SLC30A3: variants seen among roughly 807,000 people sequenced by gnomAD.
SLC30A3 encodes the protein probable proton-coupled zinc antiporter SLC30A3.
In SLC30A3, 20 loss-of-function variants were observed where a neutral mutation model predicts 35.6. The ratio of observed to expected loss-of-function variants is 0.56; its 90% CI spans 0.39 to 0.82. The LOEUF is 0.82. Ranked by LOEUF, SLC30A3 falls within the 40% of genes least tolerant of loss-of-function variation. The pLI is 0.00. For missense variants in SLC30A3, 401 were observed against 530.6 expected, an observed-to-expected ratio of 0.76 and a Z score of 2.40; for synonymous variants, 217 against 224.7, an observed-to-expected ratio of 0.97 and a Z score of 0.31.
chr2:27,255,361 T>A lies in SLC30A3; in HGVS notation c.1118A>T (p.Gln373Leu). The change falls in exon 8 of 8, where the codon CAG (glutamine) becomes CTG (leucine). Residue 373 changes from glutamine (Q) to leucine (L), a missense_variant. Coordinates refer to ENST00000233535, the MANE Select transcript of SLC30A3 (RefSeq NM_003459.5). The surrounding 1 kb of genome is among the most constrained non-coding windows in gnomAD (Gnocchi z 5.2). ...SSCTLQVEQY[Q>L]PEMAQCLRCQ... ...GCGCAGGCACTGGGCCATCTCCGGC[T>A]GATACTGCTCGACCTGCAGGGTGCA... is the stretch of plus-strand genomic sequence containing the variant. 1.2e-6 allele frequency: 2 copies of A among 1,614,192 alleles called. No homozygotes were observed. The highest frequency in any genetic ancestry group is 1.7e-6 in the Non-Finnish European group (2 of 1,180,016).
At position 27,258,353 on chromosome 2, in the gene SLC30A3, A is replaced by AT; in HGVS notation, c.278-47dup. 1 of 1,498,448 alleles carries AT rather than the reference A, an allele frequency of 6.7e-7. No individual in the cohort carries two copies. The allele number at this position is 1,498,448 out of a possible 1,614,324, so 92.8% of individuals were successfully genotyped here. ...AGTCTGCTTCCATTTAGAAAATATC[A>AT]TGTAGTGTGTATAGGCATGGAAAAT... On this transcript the variant is annotated intron_variant, in intron 2 of 7. Coordinates refer to ENST00000233535, the MANE Select transcript of SLC30A3 (RefSeq NM_003459.5). This position sits in a 1 kb window ranked among gnomAD's most constrained non-coding sequence, Gnocchi z 4.0.
chr2:27,258,068 G>A lies in SLC30A3; in HGVS notation c.425-10C>T, dbSNP rs371602919. Reference sequence around the variant, plus strand: ...AAAGCCCCCAGAGTCTCTGCGGGTGGGGGGGGAGACAAGCTGTCAGAGACC... The same window carrying A: ...AAAGCCCCCAGAGTCTCTGCGGGTGAGGGGGGAGACAAGCTGTCAGAGACC... On this transcript the variant is annotated splice_polypyrimidine_tract_variant and intron_variant, in intron 3 of 7. Coordinates refer to ENST00000233535, the MANE Select transcript of SLC30A3 (RefSeq NM_003459.5). This position sits in a 1 kb window ranked among gnomAD's most constrained non-coding sequence, Gnocchi z 4.0. 1.7e-5 allele frequency: 27 copies of A among 1,613,328 alleles called. 1 individual carries two copies. The African/African-American group carries it at 2.4e-4, about 14-fold the overall frequency.
Position 27,257,226 on chromosome 2 carries a change from T to G in SLC30A3, c.705A>C (p.Ala235=). 2 of 1,613,962 alleles carry G rather than the reference T, an allele frequency of 1.2e-6. No individual in the cohort carries two copies. Among genetic ancestry groups the G allele is most frequent in the Non-Finnish European group, 1.7e-6 (2 of 1,179,958 alleles). ...GGAGGTCCCCCAGCACGTGCACAAATGCCGCCCGGACGCTGGTGTTCCCCA... is the reference window on the plus strand; with the variant it reads ...GGAGGTCCCCCAGCACGTGCACAAAGGCCGCCCGGACGCTGGTGTTCCCCA... The part of the protein sequence containing the change: ...LPLGNTSVRA[A]FVHVLGDLLQ... The change falls in exon 5 of 8, where the codon GCA becomes GCC. Residue 235 remains alanine (A), a synonymous_variant. Coordinates refer to ENST00000233535, the MANE Select transcript of SLC30A3 (RefSeq NM_003459.5). The surrounding 1 kb of genome is among the most constrained non-coding windows in gnomAD (Gnocchi z 4.7).
chr2:27,256,680 G>T, intron 6 of SLC30A3, 108 bp downstream of exon 6: 1 of 1,284,672 alleles, frequency 7.8e-7, no homozygotes, highest in Non-Finnish European at 1.1e-6. Flanking sequence ...CAGACCCCAT[G>T]AGCCAAGCCT....
In SLC30A3 at chr2:27,255,007, A is replaced by G; in HGVS notation, c.*305T>C. 8.4e-7 allele frequency: 1 copy of G among 1,195,772 alleles called. No individual in the cohort carries two copies. Among genetic ancestry groups the G allele is most frequent in the Non-Finnish European group, 1.1e-6 (1 of 913,284 alleles). 74.1% of individuals were successfully genotyped at this position (1,195,772 alleles called of 1,614,324 possible). ...GCAGGGAAAGGATGTTCGTGGCTCC[A>G]CATGAACCATGGGGAGATGGCACCA... On this transcript the variant is annotated 3_prime_UTR_variant, in exon 8 of 8. Coordinates refer to ENST00000233535, the MANE Select transcript of SLC30A3 (RefSeq NM_003459.5). This position sits in a 1 kb window ranked among gnomAD's most constrained non-coding sequence, Gnocchi z 5.2.
upstream of SLC30A3, among the ~76,000 whole-genome samples, chr2:27,267,780 C>T (rs1410137846): frequency 1.3e-5 from 2 of 151,786 alleles, no homozygotes; most frequent in African/African-American, 4.8e-5. Context: ...ACTAAAAATA[C>T]AAAAATAAGC....
chr2:27,273,796 C>T (rs1170583078), intron 1 of SLC30A3, among the ~76,000 whole-genome samples: 2 of 151,060 alleles, frequency 1.3e-5, no homozygotes, highest in Non-Finnish European at 2.9e-5. Flanking sequence ...ACAAGTGCAC[C>T]TCTAATGCCT....
In SLC30A3 at chr2:27,262,981, A is replaced by G; in HGVS notation, c.-75T>C. 4.9e-6 allele frequency: 7 copies of G among 1,431,442 alleles called. No homozygotes were observed. Among genetic ancestry groups the G allele is most frequent in the Non-Finnish European group, 6.4e-6 (7 of 1,100,852 alleles). 88.7% of individuals were successfully genotyped at this position (1,431,442 alleles called of 1,614,324 possible). A position where few individuals can be genotyped will look rare whatever the true frequency, so the allele number is the denominator to read the frequency against. ...GGCCGGCCCCGCGCCAAGTCCGAGC[A>G]GCCCGCCGACCCCCGGGATCCCCGC... On this transcript the variant is annotated 5_prime_UTR_variant, in exon 1 of 8. Coordinates refer to ENST00000233535, the MANE Select transcript of SLC30A3 (RefSeq NM_003459.5). This position sits in a 1 kb window ranked among gnomAD's most constrained non-coding sequence, Gnocchi z 7.5.
chr2:27,269,802 G>A (rs545669588), intron 1 of SLC30A3, among the ~76,000 whole-genome samples: 101 of 152,058 alleles, frequency 6.6e-4, no homozygotes, highest in Non-Finnish European at 1.0e-3. Context: ...AGGTTGCAGT[G>A]AGCCGAGACC....
chr2:27,265,573 GC>G (rs1427143858), upstream of SLC30A3, among the ~76,000 whole-genome samples: 1 of 152,144 alleles, frequency 6.6e-6, no homozygotes, highest in Non-Finnish European at 1.5e-5. The surrounding 1 kb of genome is among the most constrained non-coding windows in gnomAD (Gnocchi z 5.9). Context: ...TGCAAGCCAA[GC>G]TGAAGAGCAT....
upstream of SLC30A3, among the ~76,000 whole-genome samples, chr2:27,265,418 C>T (rs1677458800): frequency 2.0e-5 from 3 of 152,220 alleles, no homozygotes; most frequent in South Asian, 6.2e-4. This position sits in a 1 kb window ranked among gnomAD's most constrained non-coding sequence, Gnocchi z 5.9. Flanking sequence ...ATCAAATGGC[C>T]CTGTGAACAT....
intron 1 of SLC30A3, among the ~76,000 whole-genome samples, chr2:27,273,063 T>C (rs1677798732): frequency 6.7e-6 from 1 of 148,498 alleles, no homozygotes; most frequent in South Asian, 2.1e-4. Flanking sequence ...TATATATATA[T>C]ATATGGATAG....
At chr2:27,275,029 T>G in intron 1 of SLC30A3, 1 of 395,132 alleles carries the variant, frequency 2.5e-6, no homozygotes, top group South Asian at 1.9e-5. Flanking sequence ...TGATGGAGTG[T>G]CAGGAACAGG....
At chr2:27,265,187 C>A (rs1677445257), upstream of SLC30A3, among the ~76,000 whole-genome samples, 1 of 152,240 alleles carries the variant, frequency 6.6e-6, no homozygotes, top group African/African-American at 2.4e-5. This position sits in a 1 kb window ranked among gnomAD's most constrained non-coding sequence, Gnocchi z 5.9. Flanking sequence ...GCCAGCAGCA[C>A]CGAGTGCCAG....
chr2:27,263,597 G>A (rs1370655845), upstream of SLC30A3: 1 of 273,954 alleles, frequency 3.7e-6, no homozygotes, highest in African/African-American at 2.2e-5. Context: ...TACCGCGAAT[G>A]ATCATTTATT....
chr2:27,256,949 TA>T, intron 5 of SLC30A3, 56 bp from the exon 6 acceptor site: 1 of 1,313,542 alleles, frequency 7.6e-7, no homozygotes. Flanking sequence ...GAGGAAGATC[TA>T]GGGGTATCTT....
intron 1 of SLC30A3, among the ~76,000 whole-genome samples, chr2:27,259,794 A>T (rs367918060): frequency 2.6e-5 from 4 of 152,294 alleles, no homozygotes; most frequent in Admixed American, 2.0e-4. Flanking sequence ...AATGAGCAGG[A>T]TTCCTACTGA....
chr2:27,274,680 A>G (rs72817536), intron 1 of SLC30A3, among the ~76,000 whole-genome samples: 34,209 of 150,008 alleles, frequency 0.23, 4,098 homozygotes, highest in Admixed American at 0.34. Context: ...TAAAAAAAAA[A>G]GAAAAGAAAA....
chr2:27,266,579 T>C (rs1242446274), upstream of SLC30A3, among the ~76,000 whole-genome samples: 1 of 152,222 alleles, frequency 6.6e-6, no homozygotes, highest in Non-Finnish European at 1.5e-5. Flanking sequence ...TATTTTTGTA[T>C]GGGTTTGAAT....
Sources: gnomAD v4.1 joint callset for allele counts (sites outside exome capture counted in the v4.1 genomes callset) on GRCh38, gnomAD v4.1.1 for gene constraint, Gnocchi (gnomAD v3.1) non-coding constraint, MANE v1.5 for transcripts, NCBI Gene and HGNC (gene_info 2026-07-23, HGNC 2026-07-21) for gene names.